The following SLC10A7 variants were observed in gnomAD, a reference collection of about 807,000 sequenced individuals.
The protein encoded by SLC10A7 is sodium/bile acid cotransporter 7.
In SLC10A7, 29 loss-of-function variants were observed where a neutral mutation model predicts 43.2. That is an observed-to-expected ratio of 0.67 (90% CI 0.50 to 0.92). SLC10A7 has a LOEUF of 0.92. Among genes scored for constraint, SLC10A7 ranks in the 40% least tolerant of loss-of-function variants. The pLI is 0.00. For synonymous variants in SLC10A7, 152 were observed against 144.8 expected, an observed-to-expected ratio of 1.05 and a Z score of -0.35; for missense variants, 295 against 403.2, an observed-to-expected ratio of 0.73 and a Z score of 2.30.
chr4:146,514,734 G>T, intron 2 of SLC10A7: 1 of 170,512 alleles, frequency 5.9e-6, no homozygotes, highest in Admixed American at 6.3e-5. Context: ...CATATAAATC[G>T]TAATCCCCAC....
At chr4:146,486,680 G>A (rs1734947415) in intron 4 of SLC10A7, among the ~76,000 whole-genome samples, 1 of 152,170 alleles carries the variant, frequency 6.6e-6, no homozygotes, top group South Asian at 2.1e-4. Context: ...AACAAATTCA[G>A]GACAGAAGTT....
chr4:146,474,976 C>T (rs1164579985), intron 4 of SLC10A7, among the ~76,000 whole-genome samples: 6 of 152,154 alleles, frequency 3.9e-5, no homozygotes, highest in Non-Finnish European at 8.8e-5. Flanking sequence ...AAAGGACCTT[C>T]CTTTTCCAAT....
intron 3 of SLC10A7, among the ~76,000 whole-genome samples, chr4:146,505,432 G>C (rs1219526637): frequency 6.6e-6 from 1 of 152,070 alleles, no homozygotes; most frequent in Non-Finnish European, 1.5e-5. Flanking sequence ...TCCAGTCAAT[G>C]GTTAGGCTAA....
chr4:146,329,330 T>C (rs1022510980), intron 5 of SLC10A7, among the ~76,000 whole-genome samples: 2 of 152,222 alleles, frequency 1.3e-5, no homozygotes, highest in Admixed American at 6.5e-5. Flanking sequence ...AAGAGCACCA[T>C]AATTTTTAGT....
rs1054364026 is a variant in SLC10A7 at position 146,468,951 on chromosome 4, G to A, written c.397-26130C>T. Among the ~76,000 whole-genome samples, 4 of 151,898 alleles carry A rather than the reference G, an allele frequency of 2.6e-5. No homozygotes were observed. In the South Asian group the frequency reaches 6.2e-4, roughly 24 times the overall value. ...GGTAGGGGGGTACCTTAAAGTCCTC[G>A]GGGAAAACCAAACTTGTATGAAGAA... On this transcript the variant is annotated intron_variant, in intron 4 of 11. Transcript: ENST00000335472.
At chr4:146,325,277 T>C (rs1304725164) in intron 6 of SLC10A7, among the ~76,000 whole-genome samples, 1 of 152,230 alleles carries the variant, frequency 6.6e-6, no homozygotes, top group Non-Finnish European at 1.5e-5. Flanking sequence ...TGATTACATA[T>C]GCCTTGCTCA....
chr4:146,449,214 A>C (rs1731362942), intron 4 of SLC10A7, among the ~76,000 whole-genome samples: 1 of 152,164 alleles, frequency 6.6e-6, no homozygotes, highest in African/African-American at 2.4e-5. Flanking sequence ...GTGAACCAGA[A>C]ATAAATACTT....
At chr4:146,365,744 T>C (rs1435865379) in intron 5 of SLC10A7, among the ~76,000 whole-genome samples, 1 of 152,120 alleles carries the variant, frequency 6.6e-6, no homozygotes. Flanking sequence ...GACAAACAGG[T>C]CTATTTGAGT....
chr4:146,287,386 A>C (rs1381336472), intron 9 of SLC10A7, among the ~76,000 whole-genome samples: 3 of 152,206 alleles, frequency 2.0e-5, no homozygotes, highest in Admixed American at 2.0e-4. Flanking sequence ...AAGAATAAAG[A>C]AGTTATCTGG....
At chr4:146,416,560 C>T (rs1728580007) in intron 5 of SLC10A7, among the ~76,000 whole-genome samples, 1 of 151,956 alleles carries the variant, frequency 6.6e-6, no homozygotes, top group Non-Finnish European at 1.5e-5. Flanking sequence ...TGATGGAAGA[C>T]AGGAATCAAA....
chr4:146,345,829 TAC>T (rs1247753526), intron 5 of SLC10A7, among the ~76,000 whole-genome samples: 3 of 152,142 alleles, frequency 2.0e-5, no homozygotes, highest in Admixed American at 6.6e-5. Flanking sequence ...AATGAATAAA[TAC>T]ATGAATAATA....
intron 7 of SLC10A7, among the ~76,000 whole-genome samples, chr4:146,303,901 G>C (rs1283245594): frequency 6.6e-6 from 1 of 151,682 alleles, no homozygotes. Context: ...TATGAACCTA[G>C]AGCTAGGGAG....
chr4:146,496,261 A>G (rs1403770230), intron 4 of SLC10A7, among the ~76,000 whole-genome samples: 1 of 152,200 alleles, frequency 6.6e-6, no homozygotes, highest in East Asian at 1.9e-4. Context: ...TAAGCTCCTC[A>G]AAGTCAGGCA....
At chr4:146,507,026 A>G (rs892588352) in intron 3 of SLC10A7, among the ~76,000 whole-genome samples, 9 of 152,334 alleles carry the variant, frequency 5.9e-5, no homozygotes, top group Middle Eastern at 3.4e-3. Context: ...ATACACTGTG[A>G]AATCATTACC....
chr4:146,280,746 T>C (rs1365633798), intron 10 of SLC10A7, among the ~76,000 whole-genome samples: 5 of 152,110 alleles, frequency 3.3e-5, no homozygotes, highest in Admixed American at 2.0e-4. Context: ...GAAATAGCGG[T>C]GATCTGTCTG....
chr4:146,366,699 T>G (rs1579004210), intron 5 of SLC10A7, among the ~76,000 whole-genome samples: 2 of 152,220 alleles, frequency 1.3e-5, no homozygotes, highest in East Asian at 3.8e-4. Context: ...ATCTTGTCTA[T>G]AATTTCTATA....
intron 5 of SLC10A7, among the ~76,000 whole-genome samples, chr4:146,333,611 A>T (rs776297056): frequency 1.3e-5 from 2 of 152,180 alleles, no homozygotes; most frequent in Non-Finnish European, 2.9e-5. Flanking sequence ...CAAGAAGAAC[A>T]TATAGAAACT....
intron 1 of SLC10A7, among the ~76,000 whole-genome samples, chr4:146,518,548 A>G (rs1738236852): frequency 6.6e-6 from 1 of 152,178 alleles, no homozygotes; most frequent in Non-Finnish European, 1.5e-5. Context: ...TAGATTAAAT[A>G]GTGTCCCCCG....
intron 4 of SLC10A7, among the ~76,000 whole-genome samples, chr4:146,451,991 G>T (rs1731643422): frequency 1.3e-5 from 2 of 151,916 alleles, no homozygotes; most frequent in Non-Finnish European, 2.9e-5. Context: ...CAGGCATCTT[G>T]GTATATGAGA....
Sources: allele counts gnomAD v4.1 joint callset (sites outside exome capture counted in the v4.1 genomes callset), GRCh38; gene constraint gnomAD v4.1.1; transcripts MANE v1.5; gene names NCBI Gene and HGNC (gene_info 2026-07-23, HGNC 2026-07-21).